Variants in PHACTR3 observed in about 807,000 individuals in gnomAD.
PHACTR3 encodes the protein protein phosphatase 1, regulatory subunit 123.
Under a neutral mutation model 66.8 loss-of-function variants are expected in PHACTR3, and 16 were observed. That is an observed-to-expected ratio of 0.24 (90% CI 0.16 to 0.36). The LOEUF (loss-of-function observed/expected upper bound fraction) is 0.36, where lower values mean the gene tolerates loss of function less well. Among genes scored for constraint, PHACTR3 ranks in the 10% least tolerant of loss-of-function variants. PHACTR3 has a pLI of 1.00. For synonymous variants in PHACTR3, 323 were observed against 292.1 expected (o/e 1.11, Z -1.08); for missense variants, 647 against 719.9 (o/e 0.90, Z 1.16).
chr20:59,729,254 G>A (rs543082335), intron 1 of PHACTR3, among the ~76,000 whole-genome samples: 209 of 152,244 alleles, frequency 1.4e-3, no homozygotes, highest in African/African-American at 4.8e-3. Context: ...TCAGGGCAGG[G>A]CGGATGTAGC....
intron 1 of PHACTR3, among the ~76,000 whole-genome samples, chr20:59,726,574 G>T (rs2038569442): frequency 1.3e-5 from 2 of 152,116 alleles, no homozygotes; most frequent in African/African-American, 4.8e-5. Flanking sequence ...TTCTTGACTT[G>T]GTAGGGAGTT....
intron 1 of PHACTR3, among the ~76,000 whole-genome samples, chr20:59,599,417 A>C (rs2033411720): frequency 6.6e-6 from 1 of 152,104 alleles, no homozygotes; most frequent in Non-Finnish European, 1.5e-5. Flanking sequence ...GCATAAGAAG[A>C]CGGCGGAATT....
chr20:59,715,412 T>C (rs975296573), intron 1 of PHACTR3, among the ~76,000 whole-genome samples: 1 of 152,248 alleles, frequency 6.6e-6, no homozygotes, highest in Admixed American at 6.5e-5. Context: ...ATTCTGTTAA[T>C]GTGGTGATTT....
chr20:59,648,966 G>T (rs1264674779), intron 1 of PHACTR3, among the ~76,000 whole-genome samples: 1 of 152,192 alleles, frequency 6.6e-6, no homozygotes, highest in Non-Finnish European at 1.5e-5. Context: ...GTGTTTACAT[G>T]ATGAGGCTGG....
chr20:59,600,999 C>T (rs978462309), upstream of PHACTR3, among the ~76,000 whole-genome samples: 8 of 151,382 alleles, frequency 5.3e-5, no homozygotes, highest in East Asian at 1.9e-4. Flanking sequence ...ATTAAGTTCA[C>T]GCATTTAAAG....
chr20:59,589,525 A>G (rs1224595831), intron 1 of PHACTR3, among the ~76,000 whole-genome samples: 1 of 152,346 alleles, frequency 6.6e-6, no homozygotes, highest in South Asian at 2.1e-4. Context: ...TGTAATTTAT[A>G]GCTCGGGCTA....
chr20:59,675,382 G>A (rs2036420344), intron 1 of PHACTR3, among the ~76,000 whole-genome samples: 1 of 152,114 alleles, frequency 6.6e-6, no homozygotes. Flanking sequence ...TTTGGACCTG[G>A]ATCTGAGTCC....
chr20:59,695,081 C>A (rs1241857588), intron 1 of PHACTR3, among the ~76,000 whole-genome samples: 2 of 152,058 alleles, frequency 1.3e-5, no homozygotes, highest in African/African-American at 4.8e-5. Context: ...ACACAAAACC[C>A]CACCACCCAG....
intron 8 of PHACTR3, among the ~76,000 whole-genome samples, chr20:59,831,286 C>A (rs1334878341): frequency 3.3e-5 from 5 of 152,230 alleles, no homozygotes; most frequent in Admixed American, 6.5e-5. Context: ...TGCCCAGCCT[C>A]TTCCTGGCTC....
At chr20:59,819,765 A>G (rs559708535) in intron 8 of PHACTR3, among the ~76,000 whole-genome samples, 1 of 151,284 alleles carries the variant, frequency 6.6e-6, no homozygotes. Context: ...CTGTCCCGGT[A>G]CTGGCCACCC....
At chr20:59,644,921 C>T (rs968706806) in intron 1 of PHACTR3, among the ~76,000 whole-genome samples, 1 of 152,074 alleles carries the variant, frequency 6.6e-6, no homozygotes, top group Non-Finnish European at 1.5e-5. Context: ...CAGGGCACAT[C>T]GCCTGATGCT....
chr20:59,714,051 T>G (rs891384779), intron 1 of PHACTR3, among the ~76,000 whole-genome samples: 1 of 152,214 alleles, frequency 6.6e-6, no homozygotes, highest in African/African-American at 2.4e-5. Context: ...TTTGTATGTC[T>G]TCTTTATGAA....
At chr20:59,727,530 G>A (rs1054503585) in intron 1 of PHACTR3, among the ~76,000 whole-genome samples, 1 of 152,070 alleles carries the variant, frequency 6.6e-6, no homozygotes, top group East Asian at 1.9e-4. Flanking sequence ...AGGAGAAGTG[G>A]CTGTGTTGGG....
intron 1 of PHACTR3, among the ~76,000 whole-genome samples, chr20:59,741,866 A>G (rs1237894454): frequency 6.6e-6 from 1 of 151,568 alleles, no homozygotes; most frequent in African/African-American, 2.4e-5. Context: ...GGGTTGAAAC[A>G]ATTATCCTGT....
At chr20:59,642,862 G>A (rs574098247) in intron 1 of PHACTR3, among the ~76,000 whole-genome samples, 1 of 152,098 alleles carries the variant, frequency 6.6e-6, no homozygotes, top group Non-Finnish European at 1.5e-5. Context: ...GAGCTCTCTG[G>A]TTGAATCAAA....
At chr20:59,812,045 A>C (rs2041751212) in intron 8 of PHACTR3, among the ~76,000 whole-genome samples, 1 of 152,258 alleles carries the variant, frequency 6.6e-6, no homozygotes, top group Admixed American at 6.5e-5. Flanking sequence ...GGCCAGCAGC[A>C]GGCCTTGTGG....
chr20:59,633,820 GTTCT>G (rs1158329938), intron 1 of PHACTR3, among the ~76,000 whole-genome samples: 1 of 152,118 alleles, frequency 6.6e-6, no homozygotes, highest in African/African-American at 2.4e-5. Flanking sequence ...CTGGACTCTG[GTTCT>G]TTGAGTGGTA....
chr20:59,657,981 C>G (rs1252608094), intron 1 of PHACTR3, among the ~76,000 whole-genome samples: 1 of 152,066 alleles, frequency 6.6e-6, no homozygotes, highest in Non-Finnish European at 1.5e-5. Flanking sequence ...TTTACTAAGC[C>G]TATGTTCATT....
intron 1 of PHACTR3, among the ~76,000 whole-genome samples, chr20:59,709,514 C>A (rs979035174): frequency 6.6e-6 from 1 of 152,064 alleles, no homozygotes; most frequent in African/African-American, 2.4e-5. Flanking sequence ...CTTTGAAGTT[C>A]TAGATTCTCT....
Sources: allele counts gnomAD v4.1 joint callset (sites outside exome capture counted in the v4.1 genomes callset), GRCh38; gene constraint gnomAD v4.1.1; transcripts MANE v1.5; gene names NCBI Gene and HGNC (gene_info 2026-07-23, HGNC 2026-07-21).